SLC9A9: variants seen among roughly 807,000 people sequenced by gnomAD.
The protein encoded by SLC9A9 is solute carrier family 9 member A9, also known as sodium/hydrogen exchanger 9.
SLC9A9 carries 62 observed loss-of-function variants against 77.8 expected under a neutral mutation model. The ratio of observed to expected loss-of-function variants is 0.80; its 90% CI spans 0.65 to 0.98. SLC9A9 has a LOEUF of 0.98. SLC9A9 is among the 50% of genes least tolerant of loss of function. The pLI, the probability that SLC9A9 is intolerant of heterozygous loss-of-function variation, is 0.00. For synonymous variants in SLC9A9, 320 were observed against 283.5 expected (o/e 1.13, Z -1.29); for missense variants, 775 against 774.9 (o/e 1.00, Z 0.00).
chr3:143,519,290 C>T (rs2036255672), intron 9 of SLC9A9, among the ~76,000 whole-genome samples: 1 of 151,992 alleles, frequency 6.6e-6, no homozygotes, highest in Non-Finnish European at 1.5e-5. Flanking sequence ...TGAAAGGAGG[C>T]TTATTTGGCT....
intron 2 of SLC9A9, among the ~76,000 whole-genome samples, chr3:143,821,341 G>A (rs557749554): frequency 1.3e-5 from 2 of 152,238 alleles, no homozygotes; most frequent in East Asian, 3.9e-4. Flanking sequence ...TTTCTCTTTA[G>A]TTCTGAAAGT....
At chr3:143,348,016 A>ATTT (rs11397226) in intron 14 of SLC9A9, among the ~76,000 whole-genome samples, 21 of 142,432 alleles carry the variant, frequency 1.5e-4, no homozygotes, top group Middle Eastern at 3.8e-3. Flanking sequence ...TTAAGCAGTA[A>ATTT]TTTTTTTTTT....
intron 6 of SLC9A9, among the ~76,000 whole-genome samples, chr3:143,580,619 T>A (rs1226471364): frequency 6.6e-6 from 1 of 152,226 alleles, no homozygotes; most frequent in Non-Finnish European, 1.5e-5. Flanking sequence ...TTAATATATG[T>A]AAAAATAGGT....
At chr3:143,740,107 A>T (rs1935040737) in intron 4 of SLC9A9, among the ~76,000 whole-genome samples, 1 of 152,178 alleles carries the variant, frequency 6.6e-6, no homozygotes, top group Non-Finnish European at 1.5e-5. Flanking sequence ...GGATATCTCT[A>T]GATTATGCCA....
In SLC9A9 at chr3:143,266,209, T is replaced by C; in HGVS notation, c.*493A>G. The C allele has an allele frequency of 1.5e-6, 1 of 660,132 alleles. No homozygotes were observed. The allele number at this position is 660,132 out of a possible 1,614,324, so 40.9% of individuals were successfully genotyped here. ...CTGCCCTGGGGTCACTGAGAGCAAA[T>C]GGGAGTCAAGTCCTCAAAATAAGAA... is the stretch of plus-strand genomic sequence containing the variant. On this transcript the variant is annotated 3_prime_UTR_variant, in exon 16 of 16. Transcript: ENST00000316549.
Position 143,575,310 on chromosome 3 carries a change from C to T in SLC9A9, c.895-1117G>A, listed in dbSNP as rs565788244. ...GTGTAGCATTTGGAAGCCAATTCTACCTGGATTAAAATTCACAGTATTCAC... is the reference window on the plus strand; with the variant it reads ...GTGTAGCATTTGGAAGCCAATTCTATCTGGATTAAAATTCACAGTATTCAC... On this transcript the variant is annotated intron_variant, in intron 7 of 15. Transcript: ENST00000316549. Among the ~76,000 whole-genome samples the T allele has an allele frequency of 2.1e-4, 32 of 152,248 alleles. 1 individual carries two copies. In the East Asian group the frequency reaches 6.0e-3, roughly 29 times the overall value.
At chr3:143,532,961 C>T (rs1313905202) in intron 9 of SLC9A9, among the ~76,000 whole-genome samples, 1 of 152,162 alleles carries the variant, frequency 6.6e-6, no homozygotes, top group Non-Finnish European at 1.5e-5. Context: ...CTATTGGGGT[C>T]CTTTGTTATA....
chr3:143,568,578 A>C (rs2037208173), intron 8 of SLC9A9, among the ~76,000 whole-genome samples: 1 of 152,178 alleles, frequency 6.6e-6, no homozygotes, highest in Non-Finnish European at 1.5e-5. Flanking sequence ...TGTTTGGACC[A>C]GAGGATGTGT....
At chr3:143,351,045 G>A (rs1224622235) in intron 14 of SLC9A9, among the ~76,000 whole-genome samples, 2 of 152,178 alleles carry the variant, frequency 1.3e-5, no homozygotes, top group African/African-American at 4.8e-5. Context: ...AAAGGCCTGA[G>A]GGTTCCTACA....
chr3:143,648,484 C>T (rs1421254325), intron 6 of SLC9A9, among the ~76,000 whole-genome samples: 1 of 152,210 alleles, frequency 6.6e-6, no homozygotes, highest in Admixed American at 6.5e-5. Context: ...CAGTACTGCT[C>T]ACTGGCCCAT....
intron 12 of SLC9A9, among the ~76,000 whole-genome samples, chr3:143,394,328 A>C (rs1352826897): frequency 6.6e-6 from 1 of 152,216 alleles, no homozygotes; most frequent in Admixed American, 6.5e-5. Flanking sequence ...AATCCAGCAT[A>C]TAAACAGAAC....
At chr3:143,629,088 G>A (rs2038378144) in intron 6 of SLC9A9, among the ~76,000 whole-genome samples, 1 of 152,134 alleles carries the variant, frequency 6.6e-6, no homozygotes, top group South Asian at 2.1e-4. Flanking sequence ...AGTTACTTTT[G>A]TGGTGACATC....
At chr3:143,560,569 G>A (rs1395422596) in intron 8 of SLC9A9, among the ~76,000 whole-genome samples, 1 of 151,994 alleles carries the variant, frequency 6.6e-6, no homozygotes, top group Non-Finnish European at 1.5e-5. Context: ...GTTTCAGAGA[G>A]TAATTATTAT....
intron 14 of SLC9A9, among the ~76,000 whole-genome samples, chr3:143,293,311 G>C (rs144825449): frequency 3.3e-5 from 5 of 152,104 alleles, no homozygotes; most frequent in African/African-American, 1.2e-4. Context: ...AGATACGTGC[G>C]TCTGCATGTA....
chr3:143,737,951 C>A (rs1328405317), intron 4 of SLC9A9, among the ~76,000 whole-genome samples: 1 of 152,176 alleles, frequency 6.6e-6, no homozygotes, highest in Non-Finnish European at 1.5e-5. Context: ...CTCATTTAAT[C>A]CCTATAAAAA....
chr3:143,502,578 T>G (rs1160255665), intron 9 of SLC9A9, among the ~76,000 whole-genome samples: 3 of 152,220 alleles, frequency 2.0e-5, no homozygotes, highest in Non-Finnish European at 4.4e-5. Context: ...ATTATTATGG[T>G]TCATAGGGAA....
At chr3:143,808,028 G>T (rs1197105854) in intron 2 of SLC9A9, among the ~76,000 whole-genome samples, 1 of 152,180 alleles carries the variant, frequency 6.6e-6, no homozygotes, top group Non-Finnish European at 1.5e-5. Context: ...GGGAGAGAAG[G>T]CAGTACCCAA....
At chr3:143,435,794 A>G (rs1289831831) in intron 12 of SLC9A9, among the ~76,000 whole-genome samples, 1 of 152,066 alleles carries the variant, frequency 6.6e-6, no homozygotes, top group Non-Finnish European at 1.5e-5. Flanking sequence ...AAAGCCCCCT[A>G]GCTTAGTGCC....
At chr3:143,527,161 C>G (rs562785666) in intron 9 of SLC9A9, among the ~76,000 whole-genome samples, 2 of 152,310 alleles carry the variant, frequency 1.3e-5, no homozygotes, top group South Asian at 4.1e-4. Context: ...ATTTCTCTCT[C>G]AAAGATTCAA....
Sources: gnomAD v4.1 joint callset for allele counts (sites outside exome capture counted in the v4.1 genomes callset) on GRCh38, gnomAD v4.1.1 for gene constraint, MANE v1.5 for transcripts, NCBI Gene and HGNC (gene_info 2026-07-23, HGNC 2026-07-21) for gene names.